Variants in CACNA1C observed in about 807,000 individuals in gnomAD.
The protein encoded by CACNA1C is calcium voltage-gated channel subunit alpha1 C.
A neutral mutation model predicts 229.0 loss-of-function variants in CACNA1C; 30 were observed. The observed-to-expected ratio is 0.13, with a 90% CI of 0.10 to 0.18. The LOEUF is 0.18. CACNA1C is among the 10% of genes least tolerant of loss of function. CACNA1C has a pLI of 1.00. For missense variants in CACNA1C, 1,658 were observed against 2,845.0 expected, an observed-to-expected ratio of 0.58 and a Z score of 9.49; for synonymous variants, 1,114 against 1,132.5, an observed-to-expected ratio of 0.98 and a Z score of 0.33.
intron 3 of CACNA1C, among the ~76,000 whole-genome samples, chr12:2,420,590 T>C (rs904201229): frequency 6.6e-6 from 1 of 152,150 alleles, no homozygotes; most frequent in Non-Finnish European, 1.5e-5. Context: ...ATCCTCCAAG[T>C]GAAGAACAAA....
intron 3 of CACNA1C, chr12:2,288,654 C>T (rs2093059385): frequency 6.6e-6 from 1 of 152,198 alleles, no homozygotes; most frequent in Admixed American, 6.5e-5. Context: ...TCCCTTCTGT[C>T]TGTTTTCCCT....
Position 2,585,259 on chromosome 12 carries a change from A to G in CACNA1C, c.2340-117A>G. On this transcript the variant is annotated intron_variant, in intron 16 of 46. Transcript: ENST00000399655. The surrounding 1 kb of genome is among the most constrained non-coding windows in gnomAD (Gnocchi z 4.1). ...GTCCTGGAGAAAGGAAGATGGACTC[A>G]GACCCAGGGGATCTGTCCCCTCTGG... is the stretch of plus-strand genomic sequence containing the variant. The G allele has an allele frequency of 1.0e-6, 1 of 975,554 alleles. No individual in the cohort carries two copies. The highest frequency in any genetic ancestry group is 1.5e-6 in the Non-Finnish European group (1 of 687,396). 60.4% of individuals were successfully genotyped at this position (975,554 alleles called of 1,614,324 possible). A position where few individuals can be genotyped will look rare whatever the true frequency, so the allele number is the denominator to read the frequency against.
chr12:2,259,691 A>G (rs1437325148), intron 3 of CACNA1C, among the ~76,000 whole-genome samples: 1 of 152,218 alleles, frequency 6.6e-6, no homozygotes, highest in Non-Finnish European at 1.5e-5. Context: ...CAGGAGCTAT[A>G]CGTTTTGTTT....
intron 3 of CACNA1C, among the ~76,000 whole-genome samples, chr12:2,197,581 A>C (rs2097448232): frequency 6.6e-6 from 1 of 152,206 alleles, no homozygotes; most frequent in South Asian, 2.1e-4. Flanking sequence ...GTCAGCCTGT[A>C]ATATGTTCAG....
intron 3 of CACNA1C, among the ~76,000 whole-genome samples, chr12:2,304,526 C>T (rs1330619585): frequency 2.0e-5 from 3 of 152,274 alleles, no homozygotes; most frequent in East Asian, 1.9e-4. Context: ...GTGCCACCTC[C>T]CGAGCAGGGC....
At chr12:2,289,347 G>C (rs142504684) in intron 3 of CACNA1C, among the ~76,000 whole-genome samples, 1 of 152,188 alleles carries the variant, frequency 6.6e-6, no homozygotes, top group Non-Finnish European at 1.5e-5. Flanking sequence ...TGCCTGGGGA[G>C]GGGGTGGATG....
At chr12:2,384,986 A>G (rs1180218242) in intron 3 of CACNA1C, among the ~76,000 whole-genome samples, 2 of 152,238 alleles carry the variant, frequency 1.3e-5, no homozygotes, top group East Asian at 3.8e-4. Context: ...AGGGGAGCCA[A>G]CTGACCGTGA....
chr12:2,072,507 A>G (rs1321647080), intron 1 of CACNA1C, among the ~76,000 whole-genome samples: 3 of 152,114 alleles, frequency 2.0e-5, no homozygotes, highest in Non-Finnish European at 2.9e-5. Flanking sequence ...GCCTGACAAG[A>G]TAATATTTAA....
At chr12:2,260,943 G>A (rs1046383790) in intron 3 of CACNA1C, among the ~76,000 whole-genome samples, 2 of 152,020 alleles carry the variant, frequency 1.3e-5, no homozygotes, top group African/African-American at 2.4e-5. Context: ...TTAAAAAACC[G>A]ATTGTGGCCA....
At chr12:2,245,694 G>C (rs1178584472) in intron 3 of CACNA1C, among the ~76,000 whole-genome samples, 2 of 152,232 alleles carry the variant, frequency 1.3e-5, no homozygotes, top group Middle Eastern at 3.4e-3. Context: ...TTATCCCTTT[G>C]ACAGCAAAAT....
intron 3 of CACNA1C, among the ~76,000 whole-genome samples, chr12:2,420,148 T>TGTGTGTGTGTGTGTGTGTGTG (rs58661833): frequency 2.4e-5 from 3 of 125,736 alleles, no homozygotes; most frequent in African/African-American, 5.4e-5. Flanking sequence ...TGTGTGTGTG[T>TGTGTGTGTGTGTGTGTGTGTG]AGGGGGAGGG....
chr12:2,264,632 T>A (rs1375294923), intron 3 of CACNA1C, among the ~76,000 whole-genome samples: 1 of 152,080 alleles, frequency 6.6e-6, no homozygotes, highest in East Asian at 1.9e-4. Context: ...TCCACATGGG[T>A]TTTTTACTGC....
intron 3 of CACNA1C, among the ~76,000 whole-genome samples, chr12:2,339,719 T>A (rs117229184): frequency 0.014 from 2,140 of 152,254 alleles, 17 homozygotes; most frequent in Non-Finnish European, 0.021. Context: ...TGTCATGAGG[T>A]GATAGGAATT....
At chr12:2,154,876 C>T (rs1263443365) in intron 3 of CACNA1C, among the ~76,000 whole-genome samples, 1 of 152,166 alleles carries the variant, frequency 6.6e-6, no homozygotes, top group Non-Finnish European at 1.5e-5. Context: ...GGGAGCTTCC[C>T]GATGATCATG....
At chr12:2,328,780 C>T (rs1379475051) in intron 3 of CACNA1C, among the ~76,000 whole-genome samples, 3 of 152,190 alleles carry the variant, frequency 2.0e-5, no homozygotes, top group Non-Finnish European at 4.4e-5. Context: ...ATTAGCAAGT[C>T]ATTTTTAGTT....
At chr12:2,668,025 T>C (rs2096315216) in intron 37 of CACNA1C, among the ~76,000 whole-genome samples, 1 of 152,216 alleles carries the variant, frequency 6.6e-6, no homozygotes, top group Admixed American at 6.5e-5. Context: ...CACTATCCAG[T>C]GTCAGCAAGC....
At chr12:2,466,513 C>T (rs2099551796) in intron 5 of CACNA1C, among the ~76,000 whole-genome samples, 1 of 152,220 alleles carries the variant, frequency 6.6e-6, no homozygotes, top group African/African-American at 2.4e-5. Context: ...GAGAAGATCC[C>T]AGAGTCAGGG....
intron 1 of CACNA1C, among the ~76,000 whole-genome samples, chr12:1,982,199 A>AT (rs1391589938): frequency 6.6e-6 from 1 of 152,078 alleles, no homozygotes; most frequent in South Asian, 2.1e-4. Context: ...ATTTGCTAGT[A>AT]TTTTTTCCTT....
intron 3 of CACNA1C, among the ~76,000 whole-genome samples, chr12:2,163,868 G>A (rs942160297): frequency 3.9e-5 from 6 of 152,198 alleles, no homozygotes; most frequent in African/African-American, 9.7e-5. Context: ...ACCTGCATCC[G>A]AGGCTGGCTT....
Sources: allele counts gnomAD v4.1 joint callset (sites outside exome capture counted in the v4.1 genomes callset), GRCh38; gene constraint gnomAD v4.1.1; non-coding constraint Gnocchi (gnomAD v3.1); transcripts MANE v1.5; gene names NCBI Gene and HGNC (gene_info 2026-07-23, HGNC 2026-07-21).